LCN10: variants seen among roughly 807,000 people sequenced by gnomAD.
LCN10 encodes the protein lipocalin 10, also known as epididymal-specific lipocalin-10.
Under a neutral mutation model 25.1 loss-of-function variants are expected in LCN10, and 18 were observed. The observed-to-expected ratio is 0.72, with a 90% confidence interval of 0.50 to 1.06. LCN10 has a LOEUF of 1.06. Among genes scored for constraint, LCN10 ranks in the 50% least tolerant of loss-of-function variants. The pLI is 0.00. For missense variants in LCN10, 257 were observed against 258.9 expected, an observed-to-expected ratio of 0.99 and a Z score of 0.05; for synonymous variants, 130 against 116.7, an observed-to-expected ratio of 1.11 and a Z score of -0.73.
chr9:136,739,612 G>A lies in LCN10; in HGVS notation c.575-59C>T, dbSNP rs756798145. 3.9e-5 allele frequency: 59 copies of A among 1,517,172 alleles called. No individual in the cohort carries two copies. The highest frequency in any genetic ancestry group is 9.5e-5 in the South Asian group (8 of 84,048). The allele number at this position is 1,517,172 out of a possible 1,614,324, so 94.0% of individuals were successfully genotyped here. On this transcript the variant is annotated intron_variant, in intron 5 of 5. Coordinates refer to ENST00000497771, the MANE Select transcript of LCN10 (RefSeq NM_001001712.3). This position sits in a 1 kb window ranked among gnomAD's most constrained non-coding sequence, Gnocchi z 6.1. ...GCTGCTTGGAGGAGACACATGAGCCGTGAACACGTCTCCCCCGGCCGCTCC... is the reference window on the plus strand; with the variant it reads ...GCTGCTTGGAGGAGACACATGAGCCATGAACACGTCTCCCCCGGCCGCTCC...
Position 136,741,370 on chromosome 9 carries a change from A to G in LCN10, c.258-9T>C. The stretch of plus-strand genomic sequence containing the variant: ...ACTGGCACCCCTTCAACCTGGGGCC[A>G]AGGCGGGGGCTCAGGCTGCAGACCA... On this transcript the variant is annotated splice_polypyrimidine_tract_variant and intron_variant, in intron 2 of 5. Coordinates refer to ENST00000497771, the MANE Select transcript of LCN10 (RefSeq NM_001001712.3). The G allele has an allele frequency of 6.3e-7, 1 of 1,599,776 alleles. No individual in the cohort carries two copies. The highest frequency in any genetic ancestry group is 1.1e-5 in the South Asian group (1 of 90,770).
In LCN10 at chr9:136,740,827, CCTG is replaced by C; in HGVS notation, c.475+6_475+8del. On this transcript the variant is annotated splice_donor_region_variant and intron_variant, in intron 4 of 5. Coordinates refer to ENST00000497771, the MANE Select transcript of LCN10 (RefSeq NM_001001712.3). The surrounding 1 kb of genome is among the most constrained non-coding windows in gnomAD (Gnocchi z 5.3). ...CCACCATCCTCTGCCATCCGCTGTG[CCTG>C]CTCACGGAAGAGCAGCAGGTTCTTG... 1 of 1,606,002 alleles carries C rather than the reference CCTG, an allele frequency of 6.2e-7. No individual in the cohort carries two copies. Among genetic ancestry groups the C allele is most frequent in the Non-Finnish European group, 8.5e-7 (1 of 1,175,230 alleles).
chr9:136,742,073 C>T lies in LCN10; in HGVS notation c.118-53G>A. The T allele has an allele frequency of 1.9e-6, 3 of 1,602,046 alleles. No homozygotes were observed. In the East Asian group the frequency reaches 6.7e-5, roughly 36 times the overall value. ...AGGAGCTGCCACCGGGGGCTGTCCCCACCCCCGAGGTTCCCAGCTAGAGAA... is the reference window on the plus strand; with the variant it reads ...AGGAGCTGCCACCGGGGGCTGTCCCTACCCCCGAGGTTCCCAGCTAGAGAA... On this transcript the variant is annotated intron_variant, in intron 1 of 5. Transcript: ENST00000497771.
At position 136,741,309 on chromosome 9, in the gene LCN10, G is replaced by A; in HGVS notation, c.310C>T (p.Pro104Ser). ...TATGCACAGGCGTTCCCAAACACCGGCTTCTTCCCGTCTTTCCTCAGGATC... is the reference window on the plus strand; with the variant it reads ...TATGCACAGGCGTTCCCAAACACCGACTTCTTCCCGTCTTTCCTCAGGATC... Reference protein sequence around the residue: ...EVILRKDGKKPVFGNACAYAA... With the variant: ...EVILRKDGKKSVFGNACAYAA... Residue 104 changes from proline (P) to serine (S), a missense_variant, in exon 3 of 6, where the codon CCG becomes TCG. Coordinates refer to ENST00000497771, the MANE Select transcript of LCN10 (RefSeq NM_001001712.3). 1 of 1,613,384 alleles carries A rather than the reference G, an allele frequency of 6.2e-7. No individual in the cohort carries two copies. The highest frequency in any genetic ancestry group is 8.5e-7 in the Non-Finnish European group (1 of 1,179,798).
rs1039348171 is a variant in LCN10 at position 136,738,985 on chromosome 9, G to C, written c.*540C>G. 2 of 181,274 alleles carry C rather than the reference G, an allele frequency of 1.1e-5. No individual in the cohort carries two copies. Among genetic ancestry groups the C allele is most frequent in the Admixed American group, 1.1e-4 (2 of 18,366 alleles). 11.2% of individuals were successfully genotyped at this position (181,274 alleles called of 1,614,324 possible). A position where few individuals can be genotyped will look rare whatever the true frequency, so the allele number is the denominator to read the frequency against. On this transcript the variant is annotated 3_prime_UTR_variant, in exon 6 of 6. Transcript: ENST00000497771. ...TCTAGGGTCTATACTCGAGTATCCA[G>C]GTGACCACACTGCTGAAGTTGGCTT...
chr9:136,739,936 AG>A lies in LCN10; in HGVS notation c.574+13del. On this transcript the variant is annotated intron_variant, in intron 5 of 5. Transcript: ENST00000497771. This position sits in a 1 kb window ranked among gnomAD's most constrained non-coding sequence, Gnocchi z 6.1. The stretch of plus-strand genomic sequence containing the variant: ...GTAGGGCCAGGAGGGCAAAGGGCTG[AG>A]GGCACAGCTTACCGTCTTTCGGGAG... 6.4e-7 allele frequency: 1 copy of A among 1,571,872 alleles called. No homozygotes were observed. The highest frequency in any genetic ancestry group is 8.6e-7 in the Non-Finnish European group (1 of 1,157,312).
intron 1 of LCN10, chr9:136,742,231 C>T (rs1371410074): frequency 3.3e-6 from 2 of 604,536 alleles, no homozygotes; most frequent in Non-Finnish European, 5.7e-6. Flanking sequence ...GTCAGGGACC[C>T]CAGGCAGCAA....
At position 136,742,590 on chromosome 9, in the gene LCN10, T is replaced by G. The variant is rs1846962846; in HGVS notation, c.117+197A>C. 5 of 594,780 alleles carry G rather than the reference T, an allele frequency of 8.4e-6. No individual in the cohort carries two copies. The South Asian group carries it at 1.1e-4, about 14-fold the overall frequency. The allele number at this position is 594,780 out of a possible 1,614,324, so 36.8% of individuals were successfully genotyped here. A position where few individuals can be genotyped will look rare whatever the true frequency, so the allele number is the denominator to read the frequency against. On this transcript the variant is annotated intron_variant, in intron 1 of 5. Coordinates refer to ENST00000497771, the MANE Select transcript of LCN10 (RefSeq NM_001001712.3). Reference sequence around the variant, plus strand: ...GACCCCCCTGGGCCCCCGAACCCCCTCGAGGCTCCCTGCCTTTGCCCTGCA... The same window carrying G: ...GACCCCCCTGGGCCCCCGAACCCCCGCGAGGCTCCCTGCCTTTGCCCTGCA...
In LCN10 at chr9:136,739,481, G is replaced by A. The variant is rs1202392668; in HGVS notation, c.*44C>T. The A allele has an allele frequency of 6.4e-7, 1 of 1,573,882 alleles. No homozygotes were observed. Among genetic ancestry groups the A allele is most frequent in the South Asian group, 1.2e-5 (1 of 85,508 alleles). On this transcript the variant is annotated 3_prime_UTR_variant, in exon 6 of 6. Coordinates refer to ENST00000497771, the MANE Select transcript of LCN10 (RefSeq NM_001001712.3). This position sits in a 1 kb window ranked among gnomAD's most constrained non-coding sequence, Gnocchi z 6.1. ...ATCTGGAACAACGCTCCTCGGGTCT[G>A]GGAGGACCACGCGTCGAAAGGGAAG...
chr9:136,739,637 C>T lies in LCN10; in HGVS notation c.575-84G>A, dbSNP rs995174401. The T allele has an allele frequency of 7.4e-7, 1 of 1,346,042 alleles. No individual in the cohort carries two copies. Among genetic ancestry groups the T allele is most frequent in the Admixed American group, 2.0e-5 (1 of 50,866 alleles). 83.4% of individuals were successfully genotyped at this position (1,346,042 alleles called of 1,614,324 possible). ...GTGAACACGTCTCCCCCGGCCGCTC[C>T]CTGGTTCCATGCGTGCTCGTCTTGG... On this transcript the variant is annotated intron_variant, in intron 5 of 5. Transcript: ENST00000497771. The surrounding 1 kb of genome is among the most constrained non-coding windows in gnomAD (Gnocchi z 6.1).
Position 136,742,778 on chromosome 9 carries a change from A to G in LCN10, c.117+9T>C, listed in dbSNP as rs1229797516. ...CGCCCGGCTCAGGGACCAGTGGCAC[A>G]TGGCTCACCTTGTTCCAGTTGAGGG... On this transcript the variant is annotated intron_variant, in intron 1 of 5. Coordinates refer to ENST00000497771, the MANE Select transcript of LCN10 (RefSeq NM_001001712.3). The G allele has an allele frequency of 1.2e-6, 2 of 1,613,000 alleles. No individual in the cohort carries two copies. Among genetic ancestry groups the G allele is most frequent in the Non-Finnish European group, 8.5e-7 (1 of 1,179,670 alleles).
chr9:136,742,296 G>A, intron 1 of LCN10: 2 of 484,088 alleles, frequency 4.1e-6, no homozygotes, highest in Non-Finnish European at 3.7e-6. Flanking sequence ...AGAGGCCCCG[G>A]CTCCTTCCCA....
chr9:136,742,576 G>A, intron 1 of LCN10: 1 of 603,054 alleles, frequency 1.7e-6, no homozygotes, highest in Non-Finnish European at 2.8e-6. Flanking sequence ...ACCCCCCTGG[G>A]CCCCCGAACC....
At position 136,739,785 on chromosome 9, in the gene LCN10, C is replaced by T; in HGVS notation, c.574+165G>A. 1.3e-6 allele frequency: 1 copy of T among 778,264 alleles called. No homozygotes were observed. Among genetic ancestry groups the T allele is most frequent in the Non-Finnish European group, 2.2e-6 (1 of 459,936 alleles). 48.2% of individuals were successfully genotyped at this position (778,264 alleles called of 1,614,324 possible). On this transcript the variant is annotated intron_variant, in intron 5 of 5. Transcript: ENST00000497771. The surrounding 1 kb of genome is among the most constrained non-coding windows in gnomAD (Gnocchi z 6.1). Reference sequence around the variant, plus strand: ...TCGGTGCCAGGCCTGCCAGGCCAAGCCCCGATTCTCAGGGGCGGCAGGAGG... The same window carrying T: ...TCGGTGCCAGGCCTGCCAGGCCAAGTCCCGATTCTCAGGGGCGGCAGGAGG...
In LCN10 at chr9:136,740,335, C is replaced by T. The variant is rs1229985396; in HGVS notation, c.476-287G>A. On this transcript the variant is annotated intron_variant, in intron 4 of 5. Coordinates refer to ENST00000497771, the MANE Select transcript of LCN10 (RefSeq NM_001001712.3). The surrounding 1 kb of genome is among the most constrained non-coding windows in gnomAD (Gnocchi z 5.3). Reference sequence around the variant, plus strand: ...GTGCCCCAGCTTGCTGCACCCTGAGCGTGCCCTGCCTCGACTGAGACCCCA... The same window carrying T: ...GTGCCCCAGCTTGCTGCACCCTGAGTGTGCCCTGCCTCGACTGAGACCCCA... 7 of 503,712 alleles carry T rather than the reference C, an allele frequency of 1.4e-5. No homozygotes were observed. The highest frequency in any genetic ancestry group is 3.2e-5 in the Admixed American group (1 of 30,926). 31.2% of individuals were successfully genotyped at this position (503,712 alleles called of 1,614,324 possible).
intron 3 of LCN10, 31 bp downstream of exon 3, chr9:136,741,221 A>T: frequency 6.3e-7 from 1 of 1,586,444 alleles, no homozygotes; most frequent in Non-Finnish European, 8.6e-7. Context: ...CATATCACGC[A>T]GCTCCTCCAG....
chr9:136,739,914 G>A lies in LCN10; in HGVS notation c.574+36C>T, dbSNP rs1208988003. On this transcript the variant is annotated intron_variant, in intron 5 of 5. Coordinates refer to ENST00000497771, the MANE Select transcript of LCN10 (RefSeq NM_001001712.3). This position sits in a 1 kb window ranked among gnomAD's most constrained non-coding sequence, Gnocchi z 6.1. The stretch of plus-strand genomic sequence containing the variant: ...AGCTCCCCAATGGGACGGGCAGGTA[G>A]GGCCAGGAGGGCAAAGGGCTGAGGG... The A allele has an allele frequency of 5.4e-6, 8 of 1,485,308 alleles. No individual in the cohort carries two copies. The highest frequency in any genetic ancestry group is 3.9e-5 in the Admixed American group (2 of 51,668). 92.0% of individuals were successfully genotyped at this position (1,485,308 alleles called of 1,614,324 possible).
intron 3 of LCN10, 86 bp downstream of exon 3, chr9:136,741,166 C>A: frequency 8.2e-7 from 1 of 1,226,828 alleles, no homozygotes; most frequent in Non-Finnish European, 1.2e-6. Flanking sequence ...CTGCCACGTG[C>A]TCTCGGGGAC....
intron 1 of LCN10, chr9:136,742,502 C>T (rs930137225): frequency 4.5e-5 from 24 of 527,712 alleles, no homozygotes; most frequent in African/African-American, 5.7e-5. Flanking sequence ...CCACTCTGCA[C>T]TCTGGGCGTC....
Sources: gnomAD v4.1 joint callset for allele counts on GRCh38, gnomAD v4.1.1 for gene constraint, Gnocchi (gnomAD v3.1) non-coding constraint, MANE v1.5 for transcripts, NCBI Gene and HGNC (gene_info 2026-07-23, HGNC 2026-07-21) for gene names.